ZFP57: variants seen among roughly 807,000 people sequenced by gnomAD.
ZFP57 encodes ZFP57 zinc finger protein.
In ZFP57, 12 loss-of-function variants were observed where a neutral mutation model predicts 15.8. The observed-to-expected ratio is 0.76, with a 90% CI of 0.49 to 1.23. ZFP57 has a LOEUF of 1.23. Ranked by LOEUF, ZFP57 falls within the 50% of genes most tolerant of loss-of-function variation. ZFP57 has a pLI of 0.00. For synonymous variants in ZFP57, 203 were observed against 242.3 expected, an observed-to-expected ratio of 0.84 and a Z score of 1.51; for missense variants, 536 against 654.9, an observed-to-expected ratio of 0.82 and a Z score of 1.98.
chr6:29,675,514 G>C, intron 3 of ZFP57, 27 bp from the exon 4 acceptor site: 1 of 1,591,850 alleles, frequency 6.3e-7, no homozygotes, highest in Non-Finnish European at 8.6e-7. Flanking sequence ...AGAAAGAGTT[G>C]AGTTGGTCCC....
In ZFP57 at chr6:29,676,560, A is replaced by AAAAT. The variant is rs1562226873; in HGVS notation, c.123+320_123+321insATTT. On this transcript the variant is annotated intron_variant, in intron 2 of 4. Transcript: ENST00000376883. ...CAAAAAAAAAAAAAAGAAAAAAAAA[A>AAAAT]AAAGGAAAGGAAAGATGAAGAGAAA... 3.5e-5 allele frequency among the ~76,000 whole-genome samples: 5 copies of AAAAT among 144,386 alleles called. 1 individual carries two copies. The highest frequency in any genetic ancestry group is 3.0e-5 in the Non-Finnish European group (2 of 65,836). 94.7% of individuals were successfully genotyped at this position (144,386 alleles called of 152,430 possible).
chr6:29,673,818 G>A lies in ZFP57; in HGVS notation c.353-60C>T. 1 of 1,601,692 alleles carries A rather than the reference G, an allele frequency of 6.2e-7. No homozygotes were observed. The highest frequency in any genetic ancestry group is 2.2e-5 in the East Asian group (1 of 44,808). ...CTGTAAGAACTCCAACAGAGGCTTG[G>A]CATGGTGGCTCACACCTGTAATCCC... On this transcript the variant is annotated intron_variant, in intron 4 of 4. Transcript: ENST00000376883. The surrounding 1 kb of genome is among the most constrained non-coding windows in gnomAD (Gnocchi z 4.7).
At chr6:29,675,262 C>A in intron 4 of ZFP57, 124 bp downstream of exon 4, 1 of 787,948 alleles carries the variant, frequency 1.3e-6, no homozygotes, top group East Asian at 2.5e-5. Context: ...CCAAGTCTGA[C>A]CAGGCTGGAC....
chr6:29,680,583 C>A (rs1248106669), intron 1 of ZFP57, among the ~76,000 whole-genome samples: 1 of 152,132 alleles, frequency 6.6e-6, no homozygotes, highest in Non-Finnish European at 1.5e-5. Context: ...CCCTGGTGGG[C>A]GCTCCTGGCC....
intron 2 of ZFP57, 150 bp from the exon 3 acceptor site, chr6:29,676,209 A>G (rs1170842348): frequency 1.1e-6 from 1 of 885,958 alleles, no homozygotes; most frequent in Non-Finnish European, 1.7e-6. Context: ...AGAAATATTA[A>G]AAGACAGACA....
At chr6:29,679,216 T>G (rs988642993) in intron 1 of ZFP57, among the ~76,000 whole-genome samples, 2 of 152,232 alleles carry the variant, frequency 1.3e-5, no homozygotes, top group African/African-American at 4.8e-5. Flanking sequence ...CCTGCTCAGA[T>G]GCAAACATAG....
At position 29,678,359 on chromosome 6, in the gene ZFP57, A is replaced by G. The variant is rs570056640; in HGVS notation, c.-363-993T>C. Among the ~76,000 whole-genome samples the G allele has an allele frequency of 2.0e-5, 3 of 152,346 alleles. No individual in the cohort carries two copies. In the South Asian group the frequency reaches 6.2e-4, roughly 32 times the overall value. On this transcript the variant is annotated intron_variant, in intron 1 of 4. Transcript: ENST00000376883. ...ACACTGCAGACAATACCTGCCCATTAGTTCCTTAGTAGCTAGCCATCTCAG... is the reference window on the plus strand; with the variant it reads ...ACACTGCAGACAATACCTGCCCATTGGTTCCTTAGTAGCTAGCCATCTCAG...
Position 29,677,086 on chromosome 6 carries a change from T to C in ZFP57, c.-83A>G. 1 of 1,604,380 alleles carries C rather than the reference T, an allele frequency of 6.2e-7. No homozygotes were observed. Among genetic ancestry groups the C allele is most frequent in the East Asian group, 2.2e-5 (1 of 44,848 alleles). On this transcript the variant is annotated 5_prime_UTR_variant, in exon 2 of 5. Coordinates refer to ENST00000376883, the MANE Select transcript of ZFP57 (RefSeq NM_001109809.5). Reference sequence around the variant, plus strand: ...CTGACTGGATTCCTTCCTGGGGCTATCTACCTCCCAGTAACTGGGCAGATG... The same window carrying C: ...CTGACTGGATTCCTTCCTGGGGCTACCTACCTCCCAGTAACTGGGCAGATG...
chr6:29,679,799 G>T (rs1207959785), intron 1 of ZFP57, among the ~76,000 whole-genome samples: 1 of 152,144 alleles, frequency 6.6e-6, no homozygotes, highest in Non-Finnish European at 1.5e-5. Context: ...CAGGAGAATC[G>T]CTTGAACCCG....
chr6:29,673,242 T>C lies in ZFP57; in HGVS notation c.869A>G (p.Asn290Ser), dbSNP rs1020677270. 4 of 1,613,064 alleles carry C rather than the reference T, an allele frequency of 2.5e-6. No individual in the cohort carries two copies. In the Admixed American group the frequency reaches 5.0e-5, roughly 20 times the overall value. ...IHQNQEPVDG[N>S]QECTLRIPGT... The stretch of plus-strand genomic sequence containing the variant: ...TGGAATCCTCAAAGTACACTCCTGG[T>C]TTCCATCCACTGGCTCCTGGTTTTG... Residue 290 changes from asparagine to serine, a missense_variant, in exon 5 of 5, where the codon AAC becomes AGC. Physicochemically the swap from Asn to Ser is conservative, Grantham distance 46. Coordinates refer to ENST00000376883, the MANE Select transcript of ZFP57 (RefSeq NM_001109809.5). This position sits in a 1 kb window ranked among gnomAD's most constrained non-coding sequence, Gnocchi z 4.7.
chr6:29,675,420 C>T lies in ZFP57; in HGVS notation c.318G>A (p.Glu106=), dbSNP rs1249349485. 1 of 1,613,992 alleles carries T rather than the reference C, an allele frequency of 6.2e-7. No individual in the cohort carries two copies. Among genetic ancestry groups the T allele is most frequent in the Non-Finnish European group, 8.5e-7 (1 of 1,180,030 alleles). Residue 106 remains glutamate (E), a synonymous_variant, in exon 4 of 5, where the codon GAG becomes GAA. Coordinates refer to ENST00000376883, the MANE Select transcript of ZFP57 (RefSeq NM_001109809.5). Reference sequence around the variant, plus strand: ...CTTCTGTGTTTGGGAGATGGACAAACTCTCTCCACTGTTCCTCTTCTTGCT... The same window carrying T: ...CTTCTGTGTTTGGGAGATGGACAAATTCTCTCCACTGTTCCTCTTCTTGCT... ...KLEQEEEQWR[E]FVHLPNTEGL... is the part of the protein sequence containing the mutation.
In ZFP57 at chr6:29,672,579, G is replaced by A. The variant is rs774715942; in HGVS notation, c.1532C>T (p.Pro511Leu). 6.2e-7 allele frequency: 1 copy of A among 1,612,708 alleles called. No homozygotes were observed. The highest frequency in any genetic ancestry group is 1.1e-5 in the South Asian group (1 of 91,078). The change falls in exon 5 of 5, where the codon CCC becomes CTC. Residue 511 changes from proline to leucine, a missense_variant. Coordinates refer to ENST00000376883, the MANE Select transcript of ZFP57 (RefSeq NM_001109809.5). ...GDQSPPRIHT[P>L]RRRGLREKAC... ...CTTCTCTCTTAGGCCTCTTCTCCTG[G>A]GGGTATGGATCCTGGGGGGAGATTG...
chr6:29,673,813 G>T lies in ZFP57; in HGVS notation c.353-55C>A. The stretch of plus-strand genomic sequence containing the variant: ...ATTCACTGTAAGAACTCCAACAGAG[G>T]CTTGGCATGGTGGCTCACACCTGTA... On this transcript the variant is annotated intron_variant, in intron 4 of 4. Coordinates refer to ENST00000376883, the MANE Select transcript of ZFP57 (RefSeq NM_001109809.5). The surrounding 1 kb of genome is among the most constrained non-coding windows in gnomAD (Gnocchi z 4.7). 1 of 1,605,246 alleles carries T rather than the reference G, an allele frequency of 6.2e-7. No individual in the cohort carries two copies. The highest frequency in any genetic ancestry group is 1.1e-5 in the South Asian group (1 of 90,930).
intron 1 of ZFP57, among the ~76,000 whole-genome samples, chr6:29,679,502 TC>T (rs1772229640): frequency 6.6e-6 from 1 of 152,196 alleles, no homozygotes; most frequent in Non-Finnish European, 1.5e-5. Flanking sequence ...TCTCTCCCTT[TC>T]CTTTCCTGTC....
chr6:29,677,006 T>C lies in ZFP57; in HGVS notation c.-3A>G, dbSNP rs778281905. The C allele has an allele frequency of 6.2e-7, 1 of 1,614,134 alleles. No homozygotes were observed. Among genetic ancestry groups the C allele is most frequent in the South Asian group, 1.1e-5 (1 of 91,078 alleles). On this transcript the variant is annotated 5_prime_UTR_variant, in exon 2 of 5. Transcript: ENST00000376883. ...ATTGGCTTCAGCTGTTCAAACATCT[T>C]CTCTTCTGTGGTGTCTCTTTCTAGC...
chr6:29,675,129 G>A (rs1195261028), intron 4 of ZFP57, among the ~76,000 whole-genome samples: 17 of 138,080 alleles, frequency 1.2e-4, no homozygotes, highest in African/African-American at 4.3e-4. Context: ...CTCCAGCCTG[G>A]CAACAGAGCG....
chr6:29,675,678 AT>A (rs940305059), intron 3 of ZFP57, among the ~76,000 whole-genome samples, 191 bp from the exon 4 acceptor site: 1 of 152,144 alleles, frequency 6.6e-6, no homozygotes, highest in African/African-American at 2.4e-5. Flanking sequence ...CTTAGTAAAT[AT>A]TTGTTTGATG....
rs1360487434 is a variant in ZFP57, at chr6:29,672,871, A to G, written c.1240T>C (p.Cys414Arg). 1 of 1,612,970 alleles carries G rather than the reference A, an allele frequency of 6.2e-7. No individual in the cohort carries two copies. The highest frequency in any genetic ancestry group is 8.5e-7 in the Non-Finnish European group (1 of 1,180,038). Residue 414 changes from cysteine (C) to arginine (R), a missense_variant, in exon 5 of 5, where the codon TGC becomes CGC. Physicochemically the swap from Cys to Arg is radical, Grantham distance 180. Transcript: ENST00000376883. ...KAHLTEPPNYCFHCSKSFSSF... is the reference protein window; with the variant it reads ...KAHLTEPPNYRFHCSKSFSSF... ...CTGAAAGACTTGCTGCAATGGAAGC[A>G]GTAGTTGGGCGGCTCTGTGAGGTGG...
In ZFP57 at chr6:29,673,043, C is replaced by A. The variant is rs1771796642; in HGVS notation, c.1068G>T (p.Arg356Ser). 2 of 1,612,818 alleles carry A rather than the reference C, an allele frequency of 1.2e-6. No individual in the cohort carries two copies. Among genetic ancestry groups the A allele is most frequent in the African/African-American group, 2.7e-5 (2 of 74,880 alleles). ...SVLKNQAPVT[R>S]TQAPITGTLC... is the part of the protein sequence containing the mutation. Reference sequence around the variant, plus strand: ...GGGTTCCAGTGATGGGTGCCTGGGTCCTGGTCACAGGTGCTTGGTTCTTAA... The same window carrying A: ...GGGTTCCAGTGATGGGTGCCTGGGTACTGGTCACAGGTGCTTGGTTCTTAA... Residue 356 changes from arginine (R) to serine (S), a missense_variant, in exon 5 of 5, where the codon AGG (arginine) becomes AGT (serine). Physicochemically the swap from Arg to Ser is moderately radical, Grantham distance 110. Transcript: ENST00000376883. The surrounding 1 kb of genome is among the most constrained non-coding windows in gnomAD (Gnocchi z 4.7).
Sources: allele counts gnomAD v4.1 joint callset (sites outside exome capture counted in the v4.1 genomes callset), GRCh38; gene constraint gnomAD v4.1.1; non-coding constraint Gnocchi (gnomAD v3.1); transcripts MANE v1.5; gene names NCBI Gene and HGNC (gene_info 2026-07-23, HGNC 2026-07-21).